Variants in GPC5 observed in about 807,000 individuals in gnomAD.
The protein encoded by GPC5 is glypican-5.
GPC5 carries 47 observed loss-of-function variants against 53.9 expected under a neutral mutation model. That is an observed-to-expected ratio of 0.87 (90% CI 0.69 to 1.11). The LOEUF is 1.11. Among genes scored for constraint, GPC5 ranks in the 50% most tolerant of loss-of-function variants. GPC5 has a pLI of 0.00. For synonymous variants in GPC5, 286 were observed against 263.3 expected (o/e 1.09, Z -0.84); for missense variants, 748 against 713.1 (o/e 1.05, Z -0.56).
At chr13:91,684,008 A>G (rs1269231162) in intron 2 of GPC5, among the ~76,000 whole-genome samples, 3 of 152,198 alleles carry the variant, frequency 2.0e-5, no homozygotes. Flanking sequence ...ATCAGTTCCC[A>G]TGGTCAATTG....
Position 92,796,894 on chromosome 13 carries a change from C to T in GPC5, c.1562-69388C>T, listed in dbSNP as rs567013015. On this transcript the variant is annotated intron_variant, in intron 7 of 7. Transcript: ENST00000377067. The stretch of plus-strand genomic sequence containing the variant: ...ATGAAAAATCAATGATATATAAAGG[C>T]TGTTATATTTTTAAAACATTTCTAT... Among the ~76,000 whole-genome samples the T allele has an allele frequency of 3.3e-5, 5 of 151,940 alleles. No homozygotes were observed. In the East Asian group the frequency reaches 9.7e-4, roughly 30 times the overall value.
chr13:92,379,037 T>G (rs2043717060), intron 7 of GPC5, among the ~76,000 whole-genome samples: 1 of 152,312 alleles, frequency 6.6e-6, no homozygotes, highest in African/African-American at 2.4e-5. Context: ...CCTCAGTGTT[T>G]TAAATGAGGT....
At chr13:92,466,202 T>C (rs1329201371) in intron 7 of GPC5, among the ~76,000 whole-genome samples, 1 of 148,456 alleles carries the variant, frequency 6.7e-6, no homozygotes. Context: ...ATAAATATAG[T>C]AGTAATAGTA....
At chr13:91,404,255 G>A (rs1281837553) in intron 1 of GPC5, among the ~76,000 whole-genome samples, 1 of 152,140 alleles carries the variant, frequency 6.6e-6, no homozygotes, top group East Asian at 1.9e-4. Context: ...CAACATTCTA[G>A]CTAGGTGCCT....
chr13:92,557,700 G>A (rs1440145055), intron 7 of GPC5, among the ~76,000 whole-genome samples: 2 of 151,920 alleles, frequency 1.3e-5, no homozygotes, highest in Admixed American at 6.6e-5. Context: ...GTCATATACA[G>A]GTGGATAAGT....
In GPC5 at chr13:92,597,379, G is replaced by A. The variant is rs901832273; in HGVS notation, c.1562-268903G>A. ...TTCTGAAGACATTCAGGAGCCAGAC[G>A]GATACTTTAGCTACATGATGTTTGA... On this transcript the variant is annotated intron_variant, in intron 7 of 7. Transcript: ENST00000377067. 1.4e-4 allele frequency among the ~76,000 whole-genome samples: 22 copies of A among 151,994 alleles called. 1 individual carries two copies. Among genetic ancestry groups the A allele is most frequent in the African/African-American group, 3.4e-4 (14 of 41,374 alleles).
At chr13:91,586,522 A>C (rs1282463650) in intron 2 of GPC5, among the ~76,000 whole-genome samples, 1 of 25,416 alleles carries the variant, frequency 3.9e-5, no homozygotes, top group South Asian at 1.4e-3. Context: ...ATATATATAT[A>C]TATATATATA....
chr13:92,717,487 C>G (rs1888370835), intron 7 of GPC5, among the ~76,000 whole-genome samples: 1 of 152,152 alleles, frequency 6.6e-6, no homozygotes, highest in Non-Finnish European at 1.5e-5. Context: ...CAAAAACAAA[C>G]TCTCAGATCC....
chr13:91,413,354 T>TAAA (rs35283458), intron 1 of GPC5, among the ~76,000 whole-genome samples: 30 of 146,252 alleles, frequency 2.1e-4, no homozygotes, highest in Non-Finnish European at 4.2e-4. Flanking sequence ...TGGCCCCACT[T>TAAA]AAAAAAAAAA....
intron 2 of GPC5, among the ~76,000 whole-genome samples, chr13:91,595,864 A>G (rs2032976139): frequency 6.6e-6 from 1 of 152,192 alleles, no homozygotes; most frequent in Non-Finnish European, 1.5e-5. Flanking sequence ...CAATTGCTTT[A>G]GTGACCTCGA....
chr13:92,537,145 C>T (rs1048031039), intron 7 of GPC5, among the ~76,000 whole-genome samples: 1 of 151,950 alleles, frequency 6.6e-6, no homozygotes, highest in African/African-American at 2.4e-5. Flanking sequence ...TTTAGCAACT[C>T]GTAAACAATC....
intron 6 of GPC5, among the ~76,000 whole-genome samples, chr13:92,127,918 A>G (rs1216784938): frequency 6.6e-6 from 1 of 152,192 alleles, no homozygotes; most frequent in Non-Finnish European, 1.5e-5. Flanking sequence ...CCAGGAAATT[A>G]TTGGGTTGAT....
In GPC5 at chr13:91,908,064, C is replaced by A. The variant is rs1201094056; in HGVS notation, c.1401+7C>A. The stretch of plus-strand genomic sequence containing the variant: ...ACTGAAGCATGTTGTTCAGGTAAGT[C>A]CTGATCCTATATTTATTAGTATACT... On this transcript the variant is annotated splice_region_variant and intron_variant, in intron 6 of 7. Coordinates refer to ENST00000377067, the MANE Select transcript of GPC5 (RefSeq NM_004466.6). The A allele has an allele frequency of 1.3e-6, 2 of 1,529,678 alleles. No homozygotes were observed. The highest frequency in any genetic ancestry group is 1.4e-5 in the African/African-American group (1 of 71,406). 94.8% of individuals were successfully genotyped at this position (1,529,678 alleles called of 1,614,324 possible).
intron 7 of GPC5, among the ~76,000 whole-genome samples, chr13:92,346,426 T>G (rs2043413012): frequency 6.6e-6 from 1 of 152,208 alleles, no homozygotes; most frequent in Non-Finnish European, 1.5e-5. Context: ...AGAACTCAGC[T>G]AGCAGCCCCA....
chr13:92,678,755 G>C (rs563595528), intron 7 of GPC5, among the ~76,000 whole-genome samples: 2 of 152,276 alleles, frequency 1.3e-5, no homozygotes, highest in Non-Finnish European at 2.9e-5. Flanking sequence ...ATAGTCTGCT[G>C]TCTGCTGAGA....
chr13:92,330,917 C>T (rs992581310), intron 7 of GPC5, among the ~76,000 whole-genome samples: 14 of 152,046 alleles, frequency 9.2e-5, no homozygotes, highest in African/African-American at 3.4e-4. Flanking sequence ...ACCTGCCATC[C>T]TTTTTATTTT....
At chr13:91,488,958 G>A (rs925556126) in intron 2 of GPC5, among the ~76,000 whole-genome samples, 1 of 152,184 alleles carries the variant, frequency 6.6e-6, no homozygotes, top group African/African-American at 2.4e-5. Flanking sequence ...GTCTTTTATG[G>A]TCGTAGCTGT....
chr13:91,809,859 A>C (rs191920754), intron 5 of GPC5, among the ~76,000 whole-genome samples: 172 of 152,244 alleles, frequency 1.1e-3, no homozygotes, highest in Non-Finnish European at 2.0e-3. Flanking sequence ...TTGTAATATT[A>C]ATCTGGTAAG....
intron 7 of GPC5, among the ~76,000 whole-genome samples, chr13:92,525,817 T>C (rs550353579): frequency 6.6e-6 from 1 of 152,168 alleles, no homozygotes; most frequent in African/African-American, 2.4e-5. Context: ...TTTGCTCTGA[T>C]CCCAATATTC....
Sources: allele counts gnomAD v4.1 joint callset (sites outside exome capture counted in the v4.1 genomes callset), GRCh38; gene constraint gnomAD v4.1.1; transcripts MANE v1.5; gene names NCBI Gene and HGNC (gene_info 2026-07-23, HGNC 2026-07-21).